Variants in CCDC122 observed in about 807,000 individuals in gnomAD.
CCDC122 encodes the protein coiled-coil domain-containing protein 122.
CCDC122 carries 38 observed loss-of-function variants against 37.0 expected under a neutral mutation model. The ratio of observed to expected loss-of-function variants is 1.03; its 90% confidence interval spans 0.79 to 1.35. The LOEUF (loss-of-function observed/expected upper bound fraction) is 1.35. Among genes scored for constraint, CCDC122 ranks in the 40% most tolerant of loss-of-function variants. CCDC122 has a pLI of 0.00. For synonymous variants in CCDC122, 83 were observed against 95.6 expected (o/e 0.87, Z 0.77); for missense variants, 305 against 310.0 (o/e 0.98, Z 0.12).
At chr13:43,878,898 G>A (rs1954755817) in intron 1 of CCDC122, among the ~76,000 whole-genome samples, 1 of 152,098 alleles carries the variant, frequency 6.6e-6, no homozygotes, top group African/African-American at 2.4e-5. Context: ...CATTGGAGGA[G>A]AGACAACAGC....
intron 4 of CCDC122, among the ~76,000 whole-genome samples, chr13:43,864,582 G>C (rs1954213718): frequency 6.6e-6 from 1 of 152,090 alleles, no homozygotes; most frequent in African/African-American, 2.4e-5. Context: ...CAAGCTCTCA[G>C]GGGAACTAAT....
At chr13:43,862,038 T>C (rs1346886605) in intron 4 of CCDC122, among the ~76,000 whole-genome samples, 1 of 152,156 alleles carries the variant, frequency 6.6e-6, no homozygotes, top group Non-Finnish European at 1.5e-5. Flanking sequence ...CTCATCTCCC[T>C]ATTTCCGTTC....
At chr13:43,839,091 G>A (rs780932768) in intron 6 of CCDC122, among the ~76,000 whole-genome samples, 1 of 152,186 alleles carries the variant, frequency 6.6e-6, no homozygotes, top group Non-Finnish European at 1.5e-5. Context: ...TGCAAGGTCT[G>A]GTAATGGGCG....
At chr13:43,861,546 G>A (rs1954106652) in intron 4 of CCDC122, among the ~76,000 whole-genome samples, 1 of 152,030 alleles carries the variant, frequency 6.6e-6, no homozygotes, top group South Asian at 2.1e-4. Context: ...TAACTCTGTA[G>A]GCCATCCTCC....
intron 1 of CCDC122, among the ~76,000 whole-genome samples, chr13:43,876,733 T>G (rs1418757302): frequency 6.6e-6 from 1 of 152,218 alleles, no homozygotes; most frequent in Non-Finnish European, 1.5e-5. Flanking sequence ...TATAAACCAA[T>G]GAAATAGTGT....
At chr13:43,850,803 A>G (rs1953701713) in intron 6 of CCDC122, among the ~76,000 whole-genome samples, 1 of 152,234 alleles carries the variant, frequency 6.6e-6, no homozygotes, top group Non-Finnish European at 1.5e-5. Flanking sequence ...CAAAAGATAC[A>G]AAACTACAGA....
At chr13:43,858,337 TG>T (rs1953993562) in intron 6 of CCDC122, 1 of 152,328 alleles carries the variant, frequency 6.6e-6, no homozygotes, top group Non-Finnish European at 1.5e-5. Flanking sequence ...ATTTTCAGTT[TG>T]TTTTTTTAAC....
intron 1 of CCDC122, among the ~76,000 whole-genome samples, chr13:43,875,880 TC>T (rs1397136544): frequency 2.6e-5 from 4 of 152,222 alleles, no homozygotes; most frequent in Non-Finnish European, 4.4e-5. Flanking sequence ...TGTGGCTCCC[TC>T]CCTTACAAGG....
At chr13:43,873,206 G>A (rs1385629030) in intron 2 of CCDC122, among the ~76,000 whole-genome samples, 2 of 151,786 alleles carry the variant, frequency 1.3e-5, no homozygotes, top group Admixed American at 6.6e-5. Flanking sequence ...TAGTTCTATG[G>A]CTTTAAAATC....
downstream of CCDC122, chr13:43,836,313 T>G (rs1012392217): frequency 1.3e-5 from 2 of 152,260 alleles, no homozygotes; most frequent in African/African-American, 4.8e-5. Context: ...AAGAGTTACA[T>G]GATGTTATAA....
chr13:43,858,963 C>T, intron 5 of CCDC122, 66 bp from the exon 6 acceptor site: 2 of 1,225,608 alleles, frequency 1.6e-6, no homozygotes, highest in Non-Finnish European at 1.1e-6. Context: ...TCCAATTTTT[C>T]AGTGTTTCTA....
chr13:43,850,754 G>T (rs964116239), intron 6 of CCDC122, among the ~76,000 whole-genome samples: 7 of 152,124 alleles, frequency 4.6e-5, no homozygotes, highest in African/African-American at 1.7e-4. Flanking sequence ...TTTTAAAAAA[G>T]TATTCAAGTA....
chr13:43,840,357 A>G (rs1953303387), intron 6 of CCDC122, among the ~76,000 whole-genome samples: 1 of 152,178 alleles, frequency 6.6e-6, no homozygotes, highest in Non-Finnish European at 1.5e-5. Flanking sequence ...TCCATTATGT[A>G]AATATACCAC....
At chr13:43,863,538 C>G (rs1026554535) in intron 4 of CCDC122, among the ~76,000 whole-genome samples, 13 of 152,108 alleles carry the variant, frequency 8.5e-5, no homozygotes, top group African/African-American at 3.1e-4. Flanking sequence ...TTTAACTTTT[C>G]AAGAAAGTAT....
At chr13:43,826,005 G>A (rs1176030487) in intron 3 of CCDC122, among the ~76,000 whole-genome samples, 5 of 152,110 alleles carry the variant, frequency 3.3e-5, no homozygotes, top group African/African-American at 1.2e-4. Flanking sequence ...GTCTGGACAT[G>A]GGCTAAATAT....
At chr13:43,854,226 T>C (rs1953833810) in intron 6 of CCDC122, 1 of 151,654 alleles carries the variant, frequency 6.6e-6, no homozygotes, top group Admixed American at 6.6e-5. Flanking sequence ...ATAAAACAGA[T>C]AAACTGCTAG....
At chr13:43,862,900 C>A (rs1284993871) in intron 4 of CCDC122, among the ~76,000 whole-genome samples, 1 of 151,972 alleles carries the variant, frequency 6.6e-6, no homozygotes, top group Non-Finnish European at 1.5e-5. Flanking sequence ...CCATTTCTGC[C>A]CTTACATGAG....
At chr13:43,865,272 A>G (rs146485088) in intron 4 of CCDC122, among the ~76,000 whole-genome samples, 3 of 152,268 alleles carry the variant, frequency 2.0e-5, no homozygotes, top group Non-Finnish European at 4.4e-5. Context: ...GATCAGAAGT[A>G]TGGGTGGCCT....
chr13:43,858,768 AATT>A lies in CCDC122; in HGVS notation c.672+10_672+12del. 1 of 1,383,480 alleles carries A rather than the reference AATT, an allele frequency of 7.2e-7. No homozygotes were observed. The highest frequency in any genetic ancestry group is 1.4e-5 in the South Asian group (1 of 71,166). The allele number at this position is 1,383,480 out of a possible 1,614,324, so 85.7% of individuals were successfully genotyped here. A position where few individuals can be genotyped will look rare whatever the true frequency, so the allele number is the denominator to read the frequency against. On this transcript the variant is annotated intron_variant, in intron 6 of 6. Transcript: ENST00000444614. The stretch of plus-strand genomic sequence containing the variant: ...TCCCATAAAACATTGAAATCTAGAT[AATT>A]AAGACTTACCTCTATTTCTTTTCTT...
Sources: gnomAD v4.1 joint callset for allele counts (sites outside exome capture counted in the v4.1 genomes callset) on GRCh38, gnomAD v4.1.1 for gene constraint, MANE v1.5 for transcripts, NCBI Gene and HGNC (gene_info 2026-07-23, HGNC 2026-07-21) for gene names.